PELI2: variants seen among roughly 807,000 people sequenced by gnomAD.
The protein encoded by PELI2 is pellino E3 ubiquitin protein ligase family member 2, also known as E3 ubiquitin-protein ligase pellino homolog 2.
PELI2 carries 23 observed loss-of-function variants against 42.3 expected under a neutral mutation model. That is an observed-to-expected ratio of 0.54 (90% CI 0.39 to 0.77). The LOEUF is 0.77. Among genes scored for constraint, PELI2 ranks in the 30% least tolerant of loss-of-function variants. PELI2 has a pLI of 0.00. For synonymous variants in PELI2, 245 were observed against 212.2 expected (o/e 1.15, Z -1.34); for missense variants, 463 against 553.2 (o/e 0.84, Z 1.64).
intron 1 of PELI2, among the ~76,000 whole-genome samples, chr14:56,127,857 T>C (rs1212157021): frequency 5.3e-5 from 8 of 152,206 alleles, no homozygotes; most frequent in Non-Finnish European, 7.3e-5. Flanking sequence ...TCAAAATTGA[T>C]CAACTGAGTG....
intron 2 of PELI2, among the ~76,000 whole-genome samples, chr14:56,265,701 T>C (rs1424916720): frequency 2.6e-5 from 4 of 152,204 alleles, no homozygotes; most frequent in Non-Finnish European, 5.9e-5. Flanking sequence ...GCAAATCATT[T>C]GTCTGATAAA....
At chr14:56,156,535 G>C (rs1786847701) in intron 1 of PELI2, among the ~76,000 whole-genome samples, 1 of 152,162 alleles carries the variant, frequency 6.6e-6, no homozygotes. Flanking sequence ...CGGTTCTTCT[G>C]CTGATTGGCT....
At chr14:56,239,592 A>G (rs1887906461) in intron 2 of PELI2, among the ~76,000 whole-genome samples, 1 of 152,166 alleles carries the variant, frequency 6.6e-6, no homozygotes, top group African/African-American at 2.4e-5. Flanking sequence ...GATTTCCACA[A>G]GAGCTCTGAG....
At chr14:56,137,726 G>A (rs957581993) in intron 1 of PELI2, among the ~76,000 whole-genome samples, 2 of 152,174 alleles carry the variant, frequency 1.3e-5, no homozygotes, top group Non-Finnish European at 2.9e-5. Flanking sequence ...TGAGGCTGAT[G>A]GATTTAAGAT....
At chr14:56,159,546 A>G (rs1305950688) in intron 1 of PELI2, among the ~76,000 whole-genome samples, 4 of 152,148 alleles carry the variant, frequency 2.6e-5, no homozygotes, top group Non-Finnish European at 5.9e-5. Flanking sequence ...AATAAGTACT[A>G]TACTGATCTA....
intron 2 of PELI2, among the ~76,000 whole-genome samples, chr14:56,274,286 G>C (rs1889213667): frequency 6.6e-6 from 1 of 152,140 alleles, no homozygotes; most frequent in Non-Finnish European, 1.5e-5. Flanking sequence ...GGCTCACTTA[G>C]CAGCCTTATA....
intron 5 of PELI2, among the ~76,000 whole-genome samples, chr14:56,295,939 G>C (rs1178279628): frequency 7.2e-5 from 11 of 152,260 alleles, no homozygotes; most frequent in Non-Finnish European, 5.9e-5. Context: ...CATCTGGCAT[G>C]TGGAGGCAGC....
intron 2 of PELI2, among the ~76,000 whole-genome samples, chr14:56,195,807 A>G (rs1485494343): frequency 2.0e-5 from 3 of 152,220 alleles, no homozygotes; most frequent in African/African-American, 7.2e-5. Flanking sequence ...CAAAAAGCCT[A>G]ATCTGCCCAG....
Position 56,166,789 on chromosome 14 carries a change from C to CT in PELI2, c.78-11537dup, listed in dbSNP as rs552121445. 3.6e-3 allele frequency among the ~76,000 whole-genome samples: 536 copies of CT among 149,760 alleles called. 6 individuals carry two copies. The highest frequency in any genetic ancestry group is 0.012 in the African/African-American group (500 of 40,870). Reference sequence around the variant, plus strand: ...TTTGTTGATTGGTTTTTTTTTCTTTCTTTTTTTTTATTTCTTGAGACGGAG... The same window carrying CT: ...TTTGTTGATTGGTTTTTTTTTCTTTCTTTTTTTTTTATTTCTTGAGACGGAG... On this transcript the variant is annotated intron_variant, in intron 1 of 5. Transcript: ENST00000267460.
chr14:56,229,722 C>T (rs185631160), intron 2 of PELI2, among the ~76,000 whole-genome samples: 8 of 152,290 alleles, frequency 5.3e-5, no homozygotes, highest in East Asian at 1.9e-4. Context: ...TCACCAGCAA[C>T]AGAACAAAGC....
At chr14:56,210,966 AT>A (rs1886693903) in intron 2 of PELI2, among the ~76,000 whole-genome samples, 1 of 152,140 alleles carries the variant, frequency 6.6e-6, no homozygotes, top group South Asian at 2.1e-4. Flanking sequence ...GGTGGTAGGT[AT>A]TGCTCCCACC....
intron 1 of PELI2, among the ~76,000 whole-genome samples, chr14:56,162,223 AT>A (rs1026027837): frequency 3.0e-4 from 44 of 147,032 alleles, no homozygotes; most frequent in Admixed American, 6.1e-4. Context: ...TCATTTTTCT[AT>A]TTTTTTTTTT....
At position 56,118,723 on chromosome 14, in the gene PELI2, G is replaced by C. The variant is rs117942237; in HGVS notation, c.63G>C (p.Glu21Asp). Residue 21 changes from glutamate to aspartate, a missense_variant, in exon 1 of 6, where the codon GAG becomes GAC. By Grantham distance (45) the Glu-to-Asp change is conservative. Coordinates refer to ENST00000267460, the MANE Select transcript of PELI2 (RefSeq NM_021255.3). ...APNKEPVKYG[E>D]LVVLGYNGAL... The stretch of plus-strand genomic sequence containing the variant: ...ATAAGGAGCCAGTGAAATACGGGGA[G>C]CTGGTGGTGCTCGGGTGAGTCCTGG... 8.1e-4 allele frequency: 1,232 copies of C among 1,528,304 alleles called. 18 individuals are homozygous for C. The East Asian group carries it at 0.024, about 30-fold the overall frequency. 94.7% of individuals were successfully genotyped at this position (1,528,304 alleles called of 1,614,324 possible).
intron 1 of PELI2, among the ~76,000 whole-genome samples, chr14:56,150,004 A>G (rs1351980761): frequency 1.3e-5 from 2 of 152,172 alleles, no homozygotes; most frequent in East Asian, 1.9e-4. Context: ...TGGTTTTTCT[A>G]GACATCTATG....
In PELI2 at chr14:56,206,316, A is replaced by G. The variant is rs191379766; in HGVS notation, c.207+27852A>G. Among the ~76,000 whole-genome samples, 3 of 152,300 alleles carry G rather than the reference A, an allele frequency of 2.0e-5. No individual in the cohort carries two copies. In the East Asian group the frequency reaches 5.8e-4, roughly 29 times the overall value. On this transcript the variant is annotated intron_variant, in intron 2 of 5. Coordinates refer to ENST00000267460, the MANE Select transcript of PELI2 (RefSeq NM_021255.3). ...ATGTGGGTCTGCATTTCTCTCTTCC[A>G]TTTCCCTTTCAAGAAAAATTTTAAG...
At chr14:56,124,176 A>G (rs1883163594) in intron 1 of PELI2, among the ~76,000 whole-genome samples, 1 of 152,180 alleles carries the variant, frequency 6.6e-6, no homozygotes, top group Admixed American at 6.5e-5. Flanking sequence ...AGTGCTTCAT[A>G]TTTCTTAGCT....
chr14:56,147,785 T>C (rs541419544), intron 1 of PELI2, among the ~76,000 whole-genome samples: 12 of 152,240 alleles, frequency 7.9e-5, no homozygotes, highest in African/African-American at 2.6e-4. Flanking sequence ...GAAGAGAAGA[T>C]ATTTTGAGGT....
chr14:56,275,585 A>G (rs1889262409), intron 2 of PELI2, among the ~76,000 whole-genome samples: 2 of 152,144 alleles, frequency 1.3e-5, no homozygotes, highest in Admixed American at 6.5e-5. Flanking sequence ...CGCATTCACA[A>G]TAGGGTTCAC....
chr14:56,128,709 G>T (rs4901638), intron 1 of PELI2, among the ~76,000 whole-genome samples: 1 of 151,584 alleles, frequency 6.6e-6, no homozygotes, highest in Admixed American at 6.6e-5. Context: ...AGTCAGGTTG[G>T]GGTATTGTTG....
Sources: allele counts gnomAD v4.1 joint callset (sites outside exome capture counted in the v4.1 genomes callset), GRCh38; gene constraint gnomAD v4.1.1; transcripts MANE v1.5; gene names NCBI Gene and HGNC (gene_info 2026-07-23, HGNC 2026-07-21).